Variants in IGSF11 observed in about 807,000 individuals in gnomAD.
IGSF11 encodes the protein immunoglobulin superfamily member 11, also known as CXADR like 1.
Under a neutral mutation model 41.0 loss-of-function variants are expected in IGSF11, and 22 were observed. The ratio of observed to expected loss-of-function variants is 0.54; its 90% CI spans 0.38 to 0.77. IGSF11 has a LOEUF of 0.77. IGSF11 is among the 30% of genes least tolerant of loss of function. The pLI, the probability that IGSF11 is intolerant of heterozygous loss-of-function variation, is 0.00. For synonymous variants in IGSF11, 219 were observed against 201.3 expected, an observed-to-expected ratio of 1.09 and a Z score of -0.74; for missense variants, 444 against 530.8, an observed-to-expected ratio of 0.84 and a Z score of 1.61.
At chr3:118,988,979 A>C (rs949560643) in intron 1 of IGSF11, among the ~76,000 whole-genome samples, 6 of 152,198 alleles carry the variant, frequency 3.9e-5, no homozygotes, top group Non-Finnish European at 8.8e-5. Context: ...ATATAAACTA[A>C]AAGAAAACCC....
chr3:119,057,820 A>G (rs999042397), intron 1 of IGSF11, among the ~76,000 whole-genome samples: 4 of 152,196 alleles, frequency 2.6e-5, no homozygotes, highest in South Asian at 2.1e-4. Flanking sequence ...ATAACGCTGC[A>G]TATCTACAAC....
intron 1 of IGSF11, among the ~76,000 whole-genome samples, chr3:119,009,202 A>G (rs1049800807): frequency 1.3e-5 from 2 of 152,218 alleles, no homozygotes; most frequent in Non-Finnish European, 2.9e-5. Context: ...ATAATCTTAG[A>G]GTAAAACATT....
intron 1 of IGSF11, among the ~76,000 whole-genome samples, chr3:119,020,714 G>C (rs1323000997): frequency 1.3e-5 from 2 of 152,138 alleles, no homozygotes; most frequent in Admixed American, 6.5e-5. Context: ...TGCCTCACTG[G>C]CTGGGATAAA....
intron 1 of IGSF11, among the ~76,000 whole-genome samples, chr3:119,011,251 C>T (rs906199285): frequency 6.6e-6 from 1 of 151,828 alleles, no homozygotes; most frequent in African/African-American, 2.4e-5. Context: ...CAGCTAAGCT[C>T]CCATTAAAAA....
At position 118,981,880 on chromosome 3, in the gene IGSF11, T is replaced by G. The variant is rs1032361370; in HGVS notation, c.53-51605A>C. 3 of 153,194 alleles carry G rather than the reference T, an allele frequency of 2.0e-5. No homozygotes were observed. The Admixed American group carries it at 2.0e-4, about 10-fold the overall frequency. The allele number at this position is 153,194 out of a possible 1,614,324, so 9.5% of individuals were successfully genotyped here. A position where few individuals can be genotyped will look rare whatever the true frequency, so the allele number is the denominator to read the frequency against. The stretch of plus-strand genomic sequence containing the variant: ...CCCAACCGCCAGTTGAGAGTACATG[T>G]CCTGGATGACTCCCCTTCCTCCTGC... On this transcript the variant is annotated intron_variant, in intron 1 of 6. Coordinates refer to ENST00000393775, the MANE Select transcript of IGSF11 (RefSeq NM_001015887.3).
At chr3:119,129,771 G>A (rs569679239) in intron 1 of IGSF11, among the ~76,000 whole-genome samples, 2 of 152,280 alleles carry the variant, frequency 1.3e-5, no homozygotes, top group South Asian at 4.1e-4. Context: ...GATCATTTGA[G>A]CCCAGGAGTT....
intron 1 of IGSF11, among the ~76,000 whole-genome samples, chr3:119,128,397 A>G (rs2107536259): frequency 6.6e-6 from 1 of 152,188 alleles, no homozygotes; most frequent in African/African-American, 2.4e-5. Flanking sequence ...AAAGAGAGAG[A>G]GAGAAAGGAA....
intron 1 of IGSF11, among the ~76,000 whole-genome samples, chr3:119,011,647 T>C (rs536834591): frequency 1.3e-5 from 2 of 152,272 alleles, no homozygotes; most frequent in African/African-American, 4.8e-5. Context: ...TATAAGTATC[T>C]GGCTAACCAA....
Position 119,019,408 on chromosome 3 carries a change from T to A in IGSF11, c.52+15123A>T, listed in dbSNP as rs912500190. Among the ~76,000 whole-genome samples the A allele has an allele frequency of 3.4e-5, 5 of 145,148 alleles. 1 individual carries two copies. Among genetic ancestry groups the A allele is most frequent in the East Asian group, 2.0e-4 (1 of 5,014 alleles). ...TCCCATACTAGATGGGTGGCAGGGG[T>A]CAGGAAGATGATTAGATTGGACTGA... On this transcript the variant is annotated intron_variant, in intron 1 of 6. Coordinates refer to ENST00000393775, the MANE Select transcript of IGSF11 (RefSeq NM_001015887.3).
At chr3:119,060,779 G>A (rs1484773966) in intron 1 of IGSF11, among the ~76,000 whole-genome samples, 1 of 152,110 alleles carries the variant, frequency 6.6e-6, no homozygotes, top group Non-Finnish European at 1.5e-5. Context: ...TCAACAATTG[G>A]AAACTGATAA....
At chr3:118,939,392 A>C (rs1438038497) in intron 1 of IGSF11, among the ~76,000 whole-genome samples, 1 of 152,120 alleles carries the variant, frequency 6.6e-6, no homozygotes, top group Non-Finnish European at 1.5e-5. Context: ...CCTGGCCAAC[A>C]TGGCGAAACC....
intron 1 of IGSF11, among the ~76,000 whole-genome samples, chr3:118,956,742 TAGAC>T (rs1372862877): frequency 3.9e-5 from 6 of 152,052 alleles, no homozygotes; most frequent in Admixed American, 3.3e-4. Context: ...ATCATCATAA[TAGAC>T]AGAGAATAAT....
intron 1 of IGSF11, among the ~76,000 whole-genome samples, chr3:119,049,354 A>G (rs1359889877): frequency 1.3e-5 from 2 of 151,942 alleles, no homozygotes; most frequent in Non-Finnish European, 2.9e-5. Flanking sequence ...TACACCAATA[A>G]CAGACAAACA....
At chr3:119,005,348 T>A (rs1937387924) in intron 1 of IGSF11, among the ~76,000 whole-genome samples, 2 of 150,378 alleles carry the variant, frequency 1.3e-5, no homozygotes, top group Admixed American at 1.3e-4. Flanking sequence ...ATTTTGAGCC[T>A]ATGTGTGTCT....
chr3:118,981,629 C>T (rs1257699961), intron 1 of IGSF11, among the ~76,000 whole-genome samples: 1 of 152,288 alleles, frequency 6.6e-6, no homozygotes, highest in Admixed American at 6.5e-5. Flanking sequence ...CCCTGTGGGA[C>T]AGCTAAACAG....
chr3:118,970,750 C>CAA lies in IGSF11; in HGVS notation c.53-40477_53-40476dup, dbSNP rs56812884. On this transcript the variant is annotated intron_variant, in intron 1 of 6. Coordinates refer to ENST00000393775, the MANE Select transcript of IGSF11 (RefSeq NM_001015887.3). The stretch of plus-strand genomic sequence containing the variant: ...GCTTTCAAACAGCTACACAGTTTTA[C>CAA]AAAAAAAAAAAAAAAACCACAACTA... 1.4e-3 allele frequency among the ~76,000 whole-genome samples: 140 copies of CAA among 102,104 alleles called. 1 individual carries two copies. Among genetic ancestry groups the CAA allele is most frequent in the South Asian group, 9.9e-3 (35 of 3,538 alleles). The allele number at this position is 102,104 out of a possible 152,430, so 67.0% of individuals were successfully genotyped here. A position where few individuals can be genotyped will look rare whatever the true frequency, so the allele number is the denominator to read the frequency against.
chr3:118,939,339 GC>G (rs1272761172), intron 1 of IGSF11, among the ~76,000 whole-genome samples: 2 of 151,922 alleles, frequency 1.3e-5, no homozygotes, highest in Non-Finnish European at 2.9e-5. Context: ...ACTTTGGGAC[GC>G]CAAGGCAGGT....
intron 1 of IGSF11, among the ~76,000 whole-genome samples, chr3:119,102,497 C>G (rs1199105104): frequency 6.6e-6 from 1 of 152,174 alleles, no homozygotes; most frequent in Non-Finnish European, 1.5e-5. Context: ...TTGAACATAA[C>G]ATAAATGTTA....
intron 1 of IGSF11, among the ~76,000 whole-genome samples, chr3:118,952,505 C>T (rs961541940): frequency 6.6e-6 from 1 of 152,096 alleles, no homozygotes; most frequent in Non-Finnish European, 1.5e-5. Context: ...GGAGTAGATT[C>T]CATCTCAAGA....
Sources: allele counts gnomAD v4.1 joint callset (sites outside exome capture counted in the v4.1 genomes callset), GRCh38; gene constraint gnomAD v4.1.1; transcripts MANE v1.5; gene names NCBI Gene and HGNC (gene_info 2026-07-23, HGNC 2026-07-21).